The following NCOA1 variants were observed in gnomAD, a reference collection of about 807,000 sequenced individuals.
The protein encoded by NCOA1 is nuclear receptor coactivator 1.
Under a neutral mutation model 150.9 loss-of-function variants are expected in NCOA1, and 35 were observed. The observed-to-expected ratio is 0.23, with a 90% CI of 0.18 to 0.31. The LOEUF is 0.31. NCOA1 is among the 10% of genes least tolerant of loss of function. NCOA1 has a pLI of 1.00. For synonymous variants in NCOA1, 590 were observed against 630.0 expected, an observed-to-expected ratio of 0.94 and a Z score of 0.95; for missense variants, 1,491 against 1,749.3, an observed-to-expected ratio of 0.85 and a Z score of 2.63.
intron 21 of NCOA1, among the ~76,000 whole-genome samples, chr2:24,761,448 A>C (rs541941759): frequency 2.8e-4 from 42 of 152,178 alleles, no homozygotes; most frequent in Non-Finnish European, 4.6e-4. Flanking sequence ...TAGCAGTCAT[A>C]TTTGGATCCT....
chr2:24,556,364 A>G (rs778762438), intron 1 of NCOA1, among the ~76,000 whole-genome samples: 1 of 152,178 alleles, frequency 6.6e-6, no homozygotes, highest in Non-Finnish European at 1.5e-5. Context: ...TCCATGGTGT[A>G]TATGTACCAC....
At chr2:24,701,808 T>C (rs192943560) in intron 11 of NCOA1, among the ~76,000 whole-genome samples, 1 of 152,262 alleles carries the variant, frequency 6.6e-6, no homozygotes, top group Non-Finnish European at 1.5e-5. Context: ...CACAGGAATT[T>C]GAGATCAGCC....
intron 3 of NCOA1, among the ~76,000 whole-genome samples, chr2:24,640,556 C>A (rs1345724356): frequency 6.6e-6 from 1 of 152,120 alleles, no homozygotes; most frequent in African/African-American, 2.4e-5. Context: ...ATCTATCATC[C>A]TAGCACTTTG....
intron 14 of NCOA1, among the ~76,000 whole-genome samples, chr2:24,713,996 G>A (rs942928636): frequency 3.3e-5 from 5 of 152,194 alleles, no homozygotes; most frequent in Non-Finnish European, 2.9e-5. Context: ...AGAACAGTTT[G>A]TGAAGGAAGA....
chr2:24,648,391 G>C (rs967860142), intron 4 of NCOA1, among the ~76,000 whole-genome samples: 1 of 151,906 alleles, frequency 6.6e-6, no homozygotes, highest in African/African-American at 2.4e-5. Context: ...CTCTTCCTCA[G>C]CCTTCCAAGT....
At chr2:24,706,466 A>G (rs1302098551) in intron 12 of NCOA1, 102 bp from the exon 13 acceptor site, 9 of 1,316,746 alleles carry the variant, frequency 6.8e-6, no homozygotes, top group Non-Finnish European at 9.1e-6. Flanking sequence ...ATAGCTTGCA[A>G]TATTAATGAG....
intron 3 of NCOA1, among the ~76,000 whole-genome samples, chr2:24,606,730 G>A (rs1356560477): frequency 6.6e-6 from 1 of 152,076 alleles, no homozygotes; most frequent in Non-Finnish European, 1.5e-5. Context: ...AAACTTTCCA[G>A]TTCATGGTGT....
chr2:24,755,327 G>C (rs1209107781), intron 20 of NCOA1, among the ~76,000 whole-genome samples: 2 of 152,262 alleles, frequency 1.3e-5, no homozygotes, highest in Admixed American at 6.5e-5. Flanking sequence ...TAGTGCTTCT[G>C]TGTAAGGCTG....
intron 14 of NCOA1, among the ~76,000 whole-genome samples, chr2:24,717,539 A>G (rs963685373): frequency 2.0e-5 from 3 of 152,172 alleles, no homozygotes; most frequent in East Asian, 1.9e-4. Flanking sequence ...ATTTTATGTG[A>G]TAAGTATCAT....
chr2:24,513,428 T>A (rs1262197166), intron 1 of NCOA1, among the ~76,000 whole-genome samples: 1 of 152,174 alleles, frequency 6.6e-6, no homozygotes, highest in East Asian at 1.9e-4. Flanking sequence ...TTCCTGCAAT[T>A]TCTATTTCAT....
At chr2:24,704,503 G>C (rs1399430156) in intron 11 of NCOA1, among the ~76,000 whole-genome samples, 1 of 152,180 alleles carries the variant, frequency 6.6e-6, no homozygotes, top group Admixed American at 6.5e-5. Context: ...TGGGCCAGGC[G>C]CGGTGGCTTA....
At chr2:24,503,890 A>C (rs1305830494) in intron 1 of NCOA1, among the ~76,000 whole-genome samples, 1 of 152,070 alleles carries the variant, frequency 6.6e-6, no homozygotes, top group Non-Finnish European at 1.5e-5. Flanking sequence ...GTGTACCACC[A>C]CACACAGCTA....
chr2:24,761,127 C>T (rs1465385511), intron 21 of NCOA1, among the ~76,000 whole-genome samples: 4 of 152,124 alleles, frequency 2.6e-5, no homozygotes, highest in African/African-American at 4.8e-5. Flanking sequence ...GGATTATAGG[C>T]GTGAGCCACC....
intron 14 of NCOA1, among the ~76,000 whole-genome samples, chr2:24,720,214 G>A (rs938576992): frequency 2.0e-5 from 3 of 152,222 alleles, no homozygotes; most frequent in African/African-American, 7.2e-5. Context: ...TTTCAGAGTT[G>A]CAGATGGTTG....
chr2:24,711,120 TG>T lies in NCOA1; in HGVS notation c.2599+13del, dbSNP rs755302030. 6.2e-7 allele frequency: 1 copy of T among 1,606,130 alleles called. No homozygotes were observed. Among genetic ancestry groups the T allele is most frequent in the South Asian group, 1.1e-5 (1 of 90,262 alleles). On this transcript the variant is annotated intron_variant, in intron 14 of 22. Coordinates refer to ENST00000348332, the MANE Select transcript of NCOA1 (RefSeq NM_003743.5). ...CACTTCCAGGCTAAATAGTATGTTCTGGGGACAACACCTCATTTTAAACGTT... is the reference window on the plus strand; with the variant it reads ...CACTTCCAGGCTAAATAGTATGTTCTGGGACAACACCTCATTTTAAACGTT...
At chr2:24,596,887 C>G (rs1009473731) in intron 3 of NCOA1, among the ~76,000 whole-genome samples, 1 of 152,192 alleles carries the variant, frequency 6.6e-6, no homozygotes, top group Admixed American at 6.6e-5. Context: ...CTTTCCAATC[C>G]CTGTTAATCC....
chr2:24,611,593 A>G (rs528131656), intron 3 of NCOA1, among the ~76,000 whole-genome samples: 12 of 152,152 alleles, frequency 7.9e-5, no homozygotes, highest in Admixed American at 1.3e-4. Flanking sequence ...TTTTTGTTTT[A>G]TGAAGTTGGT....
In NCOA1 at chr2:24,491,696, G is replaced by A. The variant is rs573657367; in HGVS notation, c.-396+94G>A. On this transcript the variant is annotated intron_variant, in intron 1 of 22. Coordinates refer to ENST00000348332, the MANE Select transcript of NCOA1 (RefSeq NM_003743.5). ...GGCCCTAGGGGGCGGGGAGCAGCTG[G>A]CGCCCCTCCGCCCCCTGCTCTCCTT... Among the ~76,000 whole-genome samples the A allele has an allele frequency of 8.7e-3, 1,317 of 151,222 alleles. 7 individuals carry two copies. Among genetic ancestry groups the A allele is most frequent in the Non-Finnish European group, 0.014 (924 of 67,616 alleles).
intron 18 of NCOA1, 67 bp downstream of exon 18, chr2:24,739,600 CT>C (rs1663504072): frequency 1.7e-6 from 2 of 1,187,782 alleles, no homozygotes; most frequent in Non-Finnish European, 2.5e-6. Flanking sequence ...AAAGTGTTGA[CT>C]TGAGTGTCTT....
Sources: allele counts gnomAD v4.1 joint callset (sites outside exome capture counted in the v4.1 genomes callset), GRCh38; gene constraint gnomAD v4.1.1; transcripts MANE v1.5; gene names NCBI Gene and HGNC (gene_info 2026-07-23, HGNC 2026-07-21).